Variants in NOL4 observed in about 807,000 individuals in gnomAD.
NOL4 encodes the protein nucleolar protein 4.
Under a neutral mutation model 75.9 loss-of-function variants are expected in NOL4, and 17 were observed. That is an observed-to-expected ratio of 0.22 (90% CI 0.15 to 0.34). The LOEUF is 0.34. Among genes scored for constraint, NOL4 ranks in the 10% least tolerant of loss-of-function variants. The probability of loss-of-function intolerance (pLI) is 1.00; values close to 1 mark genes in which losing one functional copy is unlikely to be tolerated. For synonymous variants in NOL4, 292 were observed against 289.9 expected (o/e 1.01, Z -0.07); for missense variants, 614 against 793.5 (o/e 0.77, Z 2.72).
chr18:33,876,085 A>G (rs1481089541), intron 10 of NOL4, among the ~76,000 whole-genome samples: 1 of 152,062 alleles, frequency 6.6e-6, no homozygotes, highest in Non-Finnish European at 1.5e-5. Flanking sequence ...TGCCTTATCC[A>G]ACTTCGCTTC....
chr18:34,162,780 C>G lies in NOL4; in HGVS notation c.265-32760G>C, dbSNP rs189832718. On this transcript the variant is annotated intron_variant, in intron 1 of 10. Transcript: ENST00000261592. The stretch of plus-strand genomic sequence containing the variant: ...TCCTGATACCAAAGCCCGGCAGAGA[C>G]ACAACCAAAAAAGAGAATTTTAGAC... 9.2e-5 allele frequency among the ~76,000 whole-genome samples: 14 copies of G among 152,252 alleles called. No individual in the cohort carries two copies. The East Asian group carries it at 2.3e-3, about 25-fold the overall frequency.
chr18:34,093,703 C>A (rs529357735), intron 4 of NOL4, 106 bp from the exon 5 acceptor site: 4 of 821,788 alleles, frequency 4.9e-6, no homozygotes, highest in Non-Finnish European at 7.0e-6. Context: ...TAAATTTTTA[C>A]AGAATTCAGA....
intron 1 of NOL4, among the ~76,000 whole-genome samples, chr18:34,205,529 A>G (rs1868628255): frequency 6.6e-6 from 1 of 152,096 alleles, no homozygotes. Context: ...TTAGTATAAG[A>G]CAGCCTCACC....
At chr18:34,205,511 G>A (rs985681284) in intron 1 of NOL4, among the ~76,000 whole-genome samples, 6 of 152,036 alleles carry the variant, frequency 3.9e-5, no homozygotes, top group Admixed American at 1.3e-4. Context: ...ATTGAATGCC[G>A]GTGCATGTTA....
chr18:34,130,065 C>T, intron 1 of NOL4, 45 bp from the exon 2 acceptor site: 2 of 1,453,558 alleles, frequency 1.4e-6, no homozygotes, highest in South Asian at 1.6e-5. Context: ...GATTAATAAA[C>T]TAATTTGCAT....
At chr18:34,094,176 C>A (rs1045774125) in intron 4 of NOL4, among the ~76,000 whole-genome samples, 3 of 151,824 alleles carry the variant, frequency 2.0e-5, no homozygotes, top group Non-Finnish European at 4.4e-5. Context: ...TAAAATGTAA[C>A]ATAAAGAGAA....
intron 8 of NOL4, among the ~76,000 whole-genome samples, chr18:33,953,369 G>T (rs2069388812): frequency 6.6e-6 from 1 of 151,792 alleles, no homozygotes; most frequent in African/African-American, 2.4e-5. Context: ...TTCTGCCTCT[G>T]CCTAGGCATA....
chr18:33,999,880 C>CT (rs1408271073), intron 6 of NOL4, among the ~76,000 whole-genome samples: 16 of 152,030 alleles, frequency 1.1e-4, no homozygotes, highest in Non-Finnish European at 1.8e-4. Context: ...TATCGAAGCC[C>CT]TGACCTCGTA....
Position 33,852,976 on chromosome 18 carries a change from A to G in NOL4, c.1783T>C (p.Ser595Pro), listed in dbSNP as rs773782900. The change falls in exon 11 of 11, where the codon TCA becomes CCA. Residue 595 changes from serine (S) to proline (P), a missense_variant. Around this residue, in one of 9 missense-constraint regions of NOL4, gnomAD observed 128 missense variants for 159.9 expected, o/e 0.80. Transcript: ENST00000261592. The part of the protein sequence containing the change: ...LATSSGSSSS[S>P]NSRPQLSPTE... ...GGACTCAGCTGGGGTCTGGAGTTTG[A>G]GCTGCTGGAGGATCCTGAGCTAGTC... The G allele has an allele frequency of 1.2e-6, 2 of 1,613,168 alleles. No homozygotes were observed. Among genetic ancestry groups the G allele is most frequent in the African/African-American group, 1.3e-5 (1 of 74,964 alleles).
intron 1 of NOL4, among the ~76,000 whole-genome samples, chr18:34,149,983 C>A (rs980885921): frequency 1.3e-5 from 2 of 151,572 alleles, no homozygotes; most frequent in African/African-American, 4.8e-5. Flanking sequence ...CATTATGTCC[C>A]TTTGAGGCAG....
chr18:33,964,408 C>T lies in NOL4; in HGVS notation c.1057-5990G>A, dbSNP rs994340138. 2.0e-5 allele frequency among the ~76,000 whole-genome samples: 3 copies of T among 148,624 alleles called. 1 individual carries two copies. Among genetic ancestry groups the T allele is most frequent in the Non-Finnish European group, 4.4e-5 (3 of 67,556 alleles). On this transcript the variant is annotated intron_variant, in intron 6 of 10. Transcript: ENST00000261592. ...TTCTGATATTATATGAAGCACATGG[C>T]ACTACTCAAGAAGTAAACTCACCAT...
intron 5 of NOL4, among the ~76,000 whole-genome samples, chr18:34,031,466 T>C (rs1211049424): frequency 6.6e-6 from 1 of 152,208 alleles, no homozygotes; most frequent in Non-Finnish European, 1.5e-5. Context: ...GTCACTGATA[T>C]GTACCAGCAG....
At chr18:34,079,217 G>A (rs1265714491) in intron 5 of NOL4, among the ~76,000 whole-genome samples, 1 of 152,068 alleles carries the variant, frequency 6.6e-6, no homozygotes, top group African/African-American at 2.4e-5. Context: ...GGAGGCAAGT[G>A]TATTCTCCCC....
intron 1 of NOL4, among the ~76,000 whole-genome samples, chr18:34,213,132 C>A (rs2146575987): frequency 6.6e-6 from 1 of 152,206 alleles, no homozygotes; most frequent in East Asian, 1.9e-4. Flanking sequence ...ACTGAAGAAC[C>A]CTTCATGGTA....
At chr18:34,210,331 A>T (rs1174667732) in intron 1 of NOL4, among the ~76,000 whole-genome samples, 1 of 152,202 alleles carries the variant, frequency 6.6e-6, no homozygotes, top group Non-Finnish European at 1.5e-5. Context: ...TCAGAATTCG[A>T]AGTTCTCTTT....
chr18:34,036,572 A>G (rs1306285660), intron 5 of NOL4, among the ~76,000 whole-genome samples: 1 of 152,212 alleles, frequency 6.6e-6, no homozygotes, highest in Non-Finnish European at 1.5e-5. Context: ...CACTTTCATC[A>G]TTCCTATTCA....
Position 33,864,341 on chromosome 18 carries a change from C to T in NOL4, c.1724-11306G>A, listed in dbSNP as rs116853771. Among the ~76,000 whole-genome samples the T allele has an allele frequency of 2.3e-3, 348 of 152,144 alleles. 2 individuals carry two copies. Among genetic ancestry groups the T allele is most frequent in the Non-Finnish European group, 3.6e-3 (245 of 68,004 alleles). On this transcript the variant is annotated intron_variant, in intron 10 of 10. Transcript: ENST00000261592. ...CTGCAAAATTTTCTAACTTTTATGC[C>T]CTGTTTCTGTTTGAAACATAAGTTC... is the stretch of plus-strand genomic sequence containing the variant.
intron 9 of NOL4, among the ~76,000 whole-genome samples, chr18:33,891,377 T>C (rs549792488): frequency 6.6e-6 from 1 of 152,252 alleles, no homozygotes; most frequent in Admixed American, 6.5e-5. Context: ...TTTACACTTA[T>C]AAAATCACCA....
At chr18:33,935,518 T>C (rs190150871) in intron 9 of NOL4, among the ~76,000 whole-genome samples, 82 of 152,092 alleles carry the variant, frequency 5.4e-4, no homozygotes, top group Middle Eastern at 3.4e-3. Context: ...GTTCACGGTG[T>C]CCCAAAATAA....
Sources: allele counts gnomAD v4.1 joint callset (sites outside exome capture counted in the v4.1 genomes callset), GRCh38; gene constraint gnomAD v4.1.1; regional missense constraint gnomAD v4.1.1; transcripts MANE v1.5; gene names NCBI Gene and HGNC (gene_info 2026-07-23, HGNC 2026-07-21).